Variants in APBB1IP observed in about 807,000 individuals in gnomAD.
The protein encoded by APBB1IP is amyloid beta precursor protein binding family B member 1 interacting protein.
APBB1IP carries 27 observed loss-of-function variants against 64.9 expected under a neutral mutation model. The ratio of observed to expected loss-of-function variants is 0.42; its 90% CI spans 0.31 to 0.57. APBB1IP has a LOEUF of 0.57. Among genes scored for constraint, APBB1IP ranks in the 20% least tolerant of loss-of-function variants. APBB1IP has a pLI of 0.20. For synonymous variants in APBB1IP, 392 were observed against 331.0 expected (o/e 1.18, Z -2.00); for missense variants, 812 against 845.5 (o/e 0.96, Z 0.49).
chr10:26,500,344 T>C (rs1836081232), intron 4 of APBB1IP, among the ~76,000 whole-genome samples: 1 of 152,152 alleles, frequency 6.6e-6, no homozygotes, highest in Non-Finnish European at 1.5e-5. Flanking sequence ...GCACATTAAA[T>C]CCCCATTGGT....
rs374208714 is a variant in APBB1IP at position 26,501,128 on chromosome 10, A to G, written c.453+17A>G. On this transcript the variant is annotated intron_variant, in intron 5 of 14. Coordinates refer to ENST00000376236, the MANE Select transcript of APBB1IP (RefSeq NM_019043.4). The stretch of plus-strand genomic sequence containing the variant: ...CTCTCTCAGGTAAGTATGTGGGACC[A>G]GAGATGGCAGGACCATCAACCTCTG... 11 of 1,613,992 alleles carry G rather than the reference A, an allele frequency of 6.8e-6. No homozygotes were observed. Among genetic ancestry groups the G allele is most frequent in the Admixed American group, 5.0e-5 (3 of 60,004 alleles).
intron 2 of APBB1IP, among the ~76,000 whole-genome samples, chr10:26,466,832 A>C (rs572920263): frequency 7.9e-5 from 12 of 152,256 alleles, no homozygotes; most frequent in Admixed American, 7.9e-4. Context: ...GCTACTCAGG[A>C]TACTGAAGTG....
chr10:26,545,763 A>C (rs1458880919), intron 11 of APBB1IP, among the ~76,000 whole-genome samples: 1 of 88,062 alleles, frequency 1.1e-5, no homozygotes, highest in African/African-American at 4.9e-5. Flanking sequence ...CCGTCTCAAA[A>C]AAAAAACAAA....
At position 26,536,117 on chromosome 10, in the gene APBB1IP, G is replaced by A. The variant is rs1453692295; in HGVS notation, c.944G>A (p.Gly315Glu). 1.2e-6 allele frequency: 2 copies of A among 1,606,646 alleles called. No homozygotes were observed. Among genetic ancestry groups the A allele is most frequent in the East Asian group, 2.2e-5 (1 of 44,696 alleles). Reference protein sequence around the residue: ...GTSIIVPELEGALYLKEDGKK... With the variant: ...GTSIIVPELEEALYLKEDGKK... ...TCTATCATTGTACCAGAACTGGAAG[G>A]AGCTCTTTATTTGAAAGAAGATGGA... Residue 315 changes from glycine to glutamate, a missense_variant, in exon 10 of 15, where the codon GGA becomes GAA. Gly to Glu is a moderately conservative substitution (Grantham distance 98). Coordinates refer to ENST00000376236, the MANE Select transcript of APBB1IP (RefSeq NM_019043.4).
At chr10:26,444,426 G>A (rs4747559) in intron 2 of APBB1IP, among the ~76,000 whole-genome samples, 58,938 of 151,876 alleles carry the variant, frequency 0.39, 11,623 homozygotes, top group South Asian at 0.49. Context: ...TAAACCTGGG[G>A]GAGCAGAGGT....
chr10:26,508,997 A>T (rs1323769948), intron 6 of APBB1IP, among the ~76,000 whole-genome samples: 4 of 152,174 alleles, frequency 2.6e-5, no homozygotes, highest in Non-Finnish European at 5.9e-5. Context: ...GGAACATTAA[A>T]TTTTCTAAGC....
chr10:26,516,174 G>A (rs1207478357), intron 8 of APBB1IP, among the ~76,000 whole-genome samples: 2 of 152,054 alleles, frequency 1.3e-5, no homozygotes, highest in African/African-American at 2.4e-5. Flanking sequence ...GACATGCCCA[G>A]AAGAAAACAA....
chr10:26,490,449 A>T (rs563174340), intron 2 of APBB1IP, among the ~76,000 whole-genome samples: 41 of 152,138 alleles, frequency 2.7e-4, no homozygotes, highest in African/African-American at 9.6e-4. Flanking sequence ...ACATGGCGAA[A>T]CCCCGTCTCT....
intron 6 of APBB1IP, among the ~76,000 whole-genome samples, chr10:26,509,292 G>A (rs1031809629): frequency 1.1e-4 from 16 of 146,432 alleles, no homozygotes; most frequent in African/African-American, 4.2e-4. Context: ...GATTTTCAAG[G>A]GGGAAAAAAA....
chr10:26,490,369 A>T (rs1342863634), intron 2 of APBB1IP, among the ~76,000 whole-genome samples: 3 of 152,182 alleles, frequency 2.0e-5, no homozygotes, highest in Non-Finnish European at 4.4e-5. Context: ...TCACACCTGT[A>T]ATCCCAGCAT....
chr10:26,541,570 C>G lies in APBB1IP; in HGVS notation c.1045-12C>G. On this transcript the variant is annotated splice_polypyrimidine_tract_variant and intron_variant, in intron 10 of 14. Coordinates refer to ENST00000376236, the MANE Select transcript of APBB1IP (RefSeq NM_019043.4). ...TCTCAGTTGAAGTTTTATTTTTTTC[C>G]CTGTCTTTCAGACATCTCGAGATCT... 6.3e-7 allele frequency: 1 copy of G among 1,583,388 alleles called. No homozygotes were observed.
chr10:26,506,017 T>C (rs1402347339), intron 6 of APBB1IP, among the ~76,000 whole-genome samples: 1 of 152,158 alleles, frequency 6.6e-6, no homozygotes, highest in Non-Finnish European at 1.5e-5. Context: ...CCTGGTCTCC[T>C]GGCTGCCCCT....
At chr10:26,486,839 GCC>G (rs1270295452) in intron 2 of APBB1IP, among the ~76,000 whole-genome samples, 1 of 152,148 alleles carries the variant, frequency 6.6e-6, no homozygotes, top group Non-Finnish European at 1.5e-5. Context: ...AAAAACTGAA[GCC>G]TAGAAATATT....
chr10:26,521,125 A>G (rs1447021442), intron 8 of APBB1IP, among the ~76,000 whole-genome samples: 1 of 152,190 alleles, frequency 6.6e-6, no homozygotes, highest in Non-Finnish European at 1.5e-5. Flanking sequence ...TTCCATTTGA[A>G]AGTAACTTAT....
At chr10:26,487,347 T>C (rs1020473493) in intron 2 of APBB1IP, among the ~76,000 whole-genome samples, 11 of 152,204 alleles carry the variant, frequency 7.2e-5, no homozygotes, top group Non-Finnish European at 1.3e-4. Flanking sequence ...TGTCTGTCCA[T>C]TTCAATAATA....
chr10:26,478,005 T>G (rs931731280), intron 2 of APBB1IP, among the ~76,000 whole-genome samples: 1 of 152,240 alleles, frequency 6.6e-6, no homozygotes, highest in Non-Finnish European at 1.5e-5. Flanking sequence ...GTATTTACAT[T>G]ATTCTATTTA....
At chr10:26,510,779 T>A (rs787029) in intron 6 of APBB1IP, among the ~76,000 whole-genome samples, 20,665 of 132,460 alleles carry the variant, frequency 0.16, 1,444 homozygotes, top group African/African-American at 0.23. Flanking sequence ...CACACACAAA[T>A]GAAAATTAGA....
chr10:26,553,604 G>C (rs538771291), intron 11 of APBB1IP, among the ~76,000 whole-genome samples: 1 of 152,160 alleles, frequency 6.6e-6, no homozygotes, highest in African/African-American at 2.4e-5. Context: ...GTTGCAGGGA[G>C]CCATGATTGC....
At chr10:26,566,292 T>C (rs1251042176) in intron 14 of APBB1IP, among the ~76,000 whole-genome samples, 1 of 152,210 alleles carries the variant, frequency 6.6e-6, no homozygotes, top group Non-Finnish European at 1.5e-5. Flanking sequence ...TCTCGTTGTG[T>C]TGCCCAGGCT....
Sources: gnomAD v4.1 joint callset for allele counts (sites outside exome capture counted in the v4.1 genomes callset) on GRCh38, gnomAD v4.1.1 for gene constraint, MANE v1.5 for transcripts, NCBI Gene and HGNC (gene_info 2026-07-23, HGNC 2026-07-21) for gene names.